Variants in ELOVL5 observed in about 807,000 individuals in gnomAD.
ELOVL5 encodes very long chain fatty acid elongase 5.
In ELOVL5, 8 loss-of-function variants were observed where a neutral mutation model predicts 38.6. The observed-to-expected ratio is 0.21, with a 90% confidence interval of 0.12 to 0.37. The LOEUF (loss-of-function observed/expected upper bound fraction) is 0.37. ELOVL5 is among the 10% of genes least tolerant of loss of function. The pLI is 1.00. For synonymous variants in ELOVL5, 127 were observed against 133.7 expected (o/e 0.95, Z 0.34); for missense variants, 280 against 367.8 (o/e 0.76, Z 1.95).
chr6:53,284,396 T>G (rs1254847973), intron 3 of ELOVL5, among the ~76,000 whole-genome samples: 1 of 151,998 alleles, frequency 6.6e-6, no homozygotes, highest in Non-Finnish European at 1.5e-5. Flanking sequence ...AGGTCCCTGG[T>G]ATTGTTTAGG....
chr6:53,344,963 T>C (rs1275847976), intron 1 of ELOVL5, among the ~76,000 whole-genome samples: 1 of 152,218 alleles, frequency 6.6e-6, no homozygotes, highest in African/African-American at 2.4e-5. Context: ...CATTCGGTCC[T>C]TAAAACAGAC....
intron 3 of ELOVL5, among the ~76,000 whole-genome samples, chr6:53,286,135 C>G (rs1766561041): frequency 6.6e-6 from 1 of 152,052 alleles, no homozygotes; most frequent in Admixed American, 6.6e-5. Flanking sequence ...TTAAATTTCC[C>G]CATTAAAGAC....
rs1766884462 is a variant in ELOVL5, at chr6:53,294,135, C to G, written c.58+1507G>C. 3 of 1,409,538 alleles carry G rather than the reference C, an allele frequency of 2.1e-6. No homozygotes were observed. In the East Asian group the frequency reaches 7.6e-5, roughly 35 times the overall value. 87.3% of individuals were successfully genotyped at this position (1,409,538 alleles called of 1,614,324 possible). ...ACACTTTGCTTTATTCATTTTCCCA[C>G]AAATACTCATCTTTCCAAATTGGCA... On this transcript the variant is annotated intron_variant, in intron 2 of 7. Coordinates refer to ENST00000304434, the MANE Select transcript of ELOVL5 (RefSeq NM_021814.5).
chr6:53,347,340 T>A (rs754065269), intron 1 of ELOVL5, among the ~76,000 whole-genome samples: 2 of 152,284 alleles, frequency 1.3e-5, no homozygotes, highest in African/African-American at 4.8e-5. Flanking sequence ...TCCTGGAGAA[T>A]CCCAGGCAGT....
intron 1 of ELOVL5, among the ~76,000 whole-genome samples, chr6:53,303,335 G>A (rs1767337953): frequency 6.6e-6 from 1 of 152,184 alleles, no homozygotes; most frequent in African/African-American, 2.4e-5. Flanking sequence ...GATAACTCTG[G>A]ATTAAATCTT....
chr6:53,324,971 C>G (rs1768473880), intron 1 of ELOVL5, among the ~76,000 whole-genome samples: 1 of 152,170 alleles, frequency 6.6e-6, no homozygotes, highest in African/African-American at 2.4e-5. Flanking sequence ...CTGGGGCGGA[C>G]AGATTAACCG....
intron 1 of ELOVL5, among the ~76,000 whole-genome samples, chr6:53,304,201 A>C (rs1220954617): frequency 6.6e-6 from 1 of 152,232 alleles, no homozygotes. Context: ...TAAAAAGAAA[A>C]GAAAATGGCA....
intron 1 of ELOVL5, among the ~76,000 whole-genome samples, chr6:53,319,573 T>C (rs889146719): frequency 6.6e-6 from 1 of 152,170 alleles, no homozygotes; most frequent in Non-Finnish European, 1.5e-5. Context: ...AGACATTCAG[T>C]TTTAAAAAAT....
chr6:53,335,514 C>G (rs548394243), intron 1 of ELOVL5, among the ~76,000 whole-genome samples: 2 of 152,180 alleles, frequency 1.3e-5, no homozygotes, highest in Non-Finnish European at 2.9e-5. Context: ...CCCCACCAGT[C>G]TGATTTAGGT....
At chr6:53,275,050 GC>G in intron 5 of ELOVL5, 39 bp downstream of exon 5, 1 of 1,598,504 alleles carries the variant, frequency 6.3e-7, no homozygotes, top group Non-Finnish European at 8.6e-7. Flanking sequence ...TCTCCTCCCT[GC>G]TCACACCTGT....
At chr6:53,292,068 T>C (rs1018050757) in intron 2 of ELOVL5, 105 bp from the exon 3 acceptor site, 1 of 636,958 alleles carries the variant, frequency 1.6e-6, no homozygotes, top group South Asian at 2.5e-5. Context: ...CTGGTATTCA[T>C]GTTCTTAATT....
chr6:53,298,918 AAT>A (rs1242729522), intron 1 of ELOVL5, among the ~76,000 whole-genome samples: 1 of 150,112 alleles, frequency 6.7e-6, no homozygotes, highest in Non-Finnish European at 1.5e-5. Context: ...GGGAGTTGAT[AAT>A]ATATCAGGAG....
intron 1 of ELOVL5, among the ~76,000 whole-genome samples, chr6:53,318,952 T>G (rs575715059): frequency 6.6e-6 from 1 of 152,206 alleles, no homozygotes; most frequent in Non-Finnish European, 1.5e-5. Context: ...TTTACATTTA[T>G]AGTCCACTCA....
chr6:53,269,097 C>G lies in ELOVL5; in HGVS notation c.*30G>C, dbSNP rs192430033. The G allele has an allele frequency of 1.2e-6, 2 of 1,607,940 alleles. No individual in the cohort carries two copies. ...TCATATTGTGCTTACAATCAGATGA[C>G]GTGGTTTGGAGGGTTTCAATTCTTT... On this transcript the variant is annotated 3_prime_UTR_variant, in exon 8 of 8. Transcript: ENST00000304434.
At chr6:53,343,166 T>G (rs1170216376) in intron 1 of ELOVL5, among the ~76,000 whole-genome samples, 4 of 152,086 alleles carry the variant, frequency 2.6e-5, no homozygotes, top group African/African-American at 9.7e-5. Flanking sequence ...TGCTGCAATC[T>G]CCATCAACTG....
chr6:53,323,005 C>T (rs766838215), intron 1 of ELOVL5, among the ~76,000 whole-genome samples: 1 of 152,182 alleles, frequency 6.6e-6, no homozygotes. Flanking sequence ...TGCTAAGCAT[C>T]GTACCACGCA....
At chr6:53,301,060 G>A (rs1437677292) in intron 1 of ELOVL5, among the ~76,000 whole-genome samples, 1 of 152,148 alleles carries the variant, frequency 6.6e-6, no homozygotes, top group Non-Finnish European at 1.5e-5. Context: ...AGTGGTCTGT[G>A]GGCTGAGCTA....
chr6:53,277,883 C>T (rs1458798028), intron 3 of ELOVL5: 1 of 152,156 alleles, frequency 6.6e-6, no homozygotes, highest in Non-Finnish European at 1.5e-5. Context: ...TCTTTCTACC[C>T]CAGGAGGGAA....
At chr6:53,335,346 G>C (rs2127592920) in intron 1 of ELOVL5, among the ~76,000 whole-genome samples, 1 of 152,278 alleles carries the variant, frequency 6.6e-6, no homozygotes, top group African/African-American at 2.4e-5. Flanking sequence ...TCTCCCTCTG[G>C]CTTCCCTGGT....
Sources: gnomAD v4.1 joint callset for allele counts (sites outside exome capture counted in the v4.1 genomes callset) on GRCh38, gnomAD v4.1.1 for gene constraint, MANE v1.5 for transcripts, NCBI Gene and HGNC (gene_info 2026-07-23, HGNC 2026-07-21) for gene names.